XIRP2: variants seen among roughly 807,000 people sequenced by gnomAD.
The protein encoded by XIRP2 is xin actin-binding repeat-containing protein 2.
In XIRP2, 236 loss-of-function variants were observed where a neutral mutation model predicts 277.0. That is an observed-to-expected ratio of 0.85 (90% CI 0.77 to 0.95). The LOEUF is 0.95. Among genes scored for constraint, XIRP2 ranks in the 40% least tolerant of loss-of-function variants. The pLI is 0.00. For missense variants in XIRP2, 4,640 were observed against 4,157.5 expected (o/e 1.12, Z -3.19); for synonymous variants, 1,490 against 1,416.5 (o/e 1.05, Z -1.17).
At chr2:166,954,278 C>T (rs533536229) in intron 2 of XIRP2, among the ~76,000 whole-genome samples, 92 of 151,920 alleles carry the variant, frequency 6.1e-4, no homozygotes, top group Middle Eastern at 6.8e-3. Context: ...TAATAAAACA[C>T]GTATTTAGTA....
intron 3 of XIRP2, among the ~76,000 whole-genome samples, chr2:167,165,527 G>A (rs1376766421): frequency 3.3e-5 from 5 of 152,190 alleles, no homozygotes; most frequent in Non-Finnish European, 5.9e-5. Context: ...TGTTGCTGGA[G>A]GTGGACGATT....
intron 3 of XIRP2, among the ~76,000 whole-genome samples, chr2:167,145,160 C>A (rs1440991881): frequency 1.3e-5 from 2 of 152,060 alleles, no homozygotes; most frequent in Non-Finnish European, 2.9e-5. Flanking sequence ...ACACCATATG[C>A]AATAATATTC....
At chr2:167,059,172 T>A (rs189357328) in intron 2 of XIRP2, among the ~76,000 whole-genome samples, 1 of 147,268 alleles carries the variant, frequency 6.8e-6, no homozygotes, top group Non-Finnish European at 1.5e-5. Context: ...AGTGGTGTGA[T>A]CTTGGCTCAC....
chr2:167,242,274 C>T (rs1171751949), intron 8 of XIRP2, among the ~76,000 whole-genome samples: 1 of 152,142 alleles, frequency 6.6e-6, no homozygotes, highest in Non-Finnish European at 1.5e-5. Flanking sequence ...CTCTAGATTA[C>T]TCTGCATACC....
At chr2:167,114,972 T>G (rs4571028) in intron 2 of XIRP2, among the ~76,000 whole-genome samples, 4,589 of 151,762 alleles carry the variant, frequency 0.03, 73 homozygotes, top group East Asian at 0.05. Context: ...TAATGGGATG[T>G]CTGGGTCAAA....
chr2:167,194,845 TAA>T (rs1693454964), intron 3 of XIRP2, among the ~76,000 whole-genome samples: 1 of 152,184 alleles, frequency 6.6e-6, no homozygotes, highest in Non-Finnish European at 1.5e-5. Flanking sequence ...TTTATCTTTA[TAA>T]AGTTCTAAAG....
chr2:166,935,564 C>A (rs756223375), intron 2 of XIRP2, among the ~76,000 whole-genome samples: 2 of 152,172 alleles, frequency 1.3e-5, no homozygotes, highest in African/African-American at 2.4e-5. Context: ...TGCTACCCCC[C>A]TCCCCACTCC....
intron 4 of XIRP2, among the ~76,000 whole-genome samples, chr2:167,217,034 G>GA (rs1195972139): frequency 2.8e-5 from 4 of 144,198 alleles, no homozygotes; most frequent in African/African-American, 8.0e-5. Context: ...ATCACAAGAA[G>GA]AAAAAACCGA....
chr2:167,122,488 G>A (rs1691084197), intron 2 of XIRP2, among the ~76,000 whole-genome samples: 1 of 152,176 alleles, frequency 6.6e-6, no homozygotes, highest in Admixed American at 6.6e-5. Flanking sequence ...TACCCATGGT[G>A]AATGGTGACG....
intron 2 of XIRP2, among the ~76,000 whole-genome samples, chr2:167,122,296 A>G (rs1691077940): frequency 1.3e-5 from 2 of 152,174 alleles, no homozygotes. Context: ...CCAGGACTAG[A>G]ATTGTAGCTT....
chr2:167,175,967 C>T (rs537872328), intron 3 of XIRP2, among the ~76,000 whole-genome samples: 2 of 152,324 alleles, frequency 1.3e-5, no homozygotes, highest in East Asian at 3.9e-4. Flanking sequence ...CGTCCCTTCC[C>T]TTACCAAGTT....
intron 2 of XIRP2, among the ~76,000 whole-genome samples, chr2:167,120,276 A>G (rs1574271947): frequency 6.6e-6 from 1 of 152,280 alleles, no homozygotes; most frequent in East Asian, 1.9e-4. Context: ...TTTCTAGCAG[A>G]CAGCATAGTC....
At chr2:166,949,474 G>A (rs1438945245) in intron 2 of XIRP2, among the ~76,000 whole-genome samples, 2 of 152,036 alleles carry the variant, frequency 1.3e-5, no homozygotes, top group African/African-American at 2.4e-5. Context: ...CCTTTTTGTT[G>A]CAGCTACAAG....
intron 2 of XIRP2, among the ~76,000 whole-genome samples, chr2:167,049,205 G>T (rs556591094): frequency 6.6e-6 from 1 of 150,586 alleles, no homozygotes; most frequent in African/African-American, 2.4e-5. Context: ...TTTAATCAGG[G>T]TTCATTACTT....
chr2:167,022,812 C>T (rs1344412399), intron 2 of XIRP2, among the ~76,000 whole-genome samples: 1 of 152,114 alleles, frequency 6.6e-6, no homozygotes, highest in Non-Finnish European at 1.5e-5. Context: ...GTATTCTATT[C>T]CATGGTGTAT....
chr2:167,188,082 T>A (rs1693217980), intron 3 of XIRP2, among the ~76,000 whole-genome samples: 1 of 152,152 alleles, frequency 6.6e-6, no homozygotes, highest in Admixed American at 6.6e-5. Context: ...AAGAATCAGG[T>A]TCTTACATGT....
intron 9 of XIRP2, among the ~76,000 whole-genome samples, chr2:167,252,597 C>T (rs1226047781): frequency 6.6e-6 from 1 of 151,792 alleles, no homozygotes; most frequent in Non-Finnish European, 1.5e-5. Context: ...CACAAATGAG[C>T]GTAAACAATG....
chr2:167,023,217 A>G (rs7579021), intron 2 of XIRP2, among the ~76,000 whole-genome samples: 65,356 of 151,856 alleles, frequency 0.43, 16,830 homozygotes, highest in East Asian at 0.82. Context: ...GACGGTTAGC[A>G]TTTTTTCATG....
chr2:166,981,120 C>T (rs1012450816), intron 2 of XIRP2, among the ~76,000 whole-genome samples: 1 of 151,814 alleles, frequency 6.6e-6, no homozygotes, highest in Admixed American at 6.6e-5. Context: ...GAACTATTTG[C>T]TTTAATTAGT....
Sources: allele counts gnomAD v4.1 joint callset (sites outside exome capture counted in the v4.1 genomes callset), GRCh38; gene constraint gnomAD v4.1.1; transcripts MANE v1.5; gene names NCBI Gene and HGNC (gene_info 2026-07-23, HGNC 2026-07-21).